The following CFAP43 variants were observed in gnomAD, a reference collection of about 807,000 sequenced individuals.
CFAP43 encodes cilia- and flagella-associated protein 43.
A neutral mutation model predicts 218.9 loss-of-function variants in CFAP43; 155 were observed. The observed-to-expected ratio is 0.71, with a 90% CI of 0.62 to 0.81. CFAP43 has a LOEUF of 0.81. CFAP43 is among the 30% of genes least tolerant of loss of function. CFAP43 has a pLI of 0.00. For missense variants in CFAP43, 1,778 were observed against 1,954.3 expected, an observed-to-expected ratio of 0.91 and a Z score of 1.70; for synonymous variants, 645 against 681.3, an observed-to-expected ratio of 0.95 and a Z score of 0.83.
chr10:104,142,874 C>G (rs780018487), intron 32 of CFAP43, among the ~76,000 whole-genome samples: 4 of 152,086 alleles, frequency 2.6e-5, no homozygotes, highest in Non-Finnish European at 4.4e-5. Flanking sequence ...TAATTCTAAT[C>G]TATGCAAAAT....
intron 23 of CFAP43, among the ~76,000 whole-genome samples, chr10:104,165,988 T>C (rs772445958): frequency 1.3e-5 from 2 of 152,228 alleles, no homozygotes; most frequent in Non-Finnish European, 2.9e-5. Flanking sequence ...CTAGTCCAAA[T>C]GGTCGAACGC....
At chr10:104,210,409 C>G (rs1438791912) in intron 5 of CFAP43, among the ~76,000 whole-genome samples, 1 of 152,242 alleles carries the variant, frequency 6.6e-6, no homozygotes, top group Admixed American at 6.5e-5. Context: ...CGCTGTCACC[C>G]AGGCTGGAGT....
chr10:104,130,835 A>AAAAC (rs1223146525), intron 37 of CFAP43, among the ~76,000 whole-genome samples: 1 of 151,598 alleles, frequency 6.6e-6, no homozygotes, highest in Non-Finnish European at 1.5e-5. Context: ...TACTCTCTAC[A>AAAAC]AAACATACAA....
chr10:104,229,244 G>C (rs1244072394), intron 2 of CFAP43, among the ~76,000 whole-genome samples: 1 of 152,198 alleles, frequency 6.6e-6, no homozygotes, highest in African/African-American at 2.4e-5. Flanking sequence ...AGACTACAGA[G>C]CTAAGTCCAG....
At chr10:104,227,580 A>C (rs1306610154) in intron 2 of CFAP43, among the ~76,000 whole-genome samples, 1 of 152,102 alleles carries the variant, frequency 6.6e-6, no homozygotes, top group East Asian at 1.9e-4. Context: ...TGTCTGGGTT[A>C]ATTTCTTTTC....
chr10:104,173,215 T>C (rs1025390607), intron 19 of CFAP43, among the ~76,000 whole-genome samples: 3 of 152,222 alleles, frequency 2.0e-5, no homozygotes, highest in African/African-American at 7.2e-5. Flanking sequence ...TAACAATTTT[T>C]CTTTTTTGCC....
intron 20 of CFAP43, among the ~76,000 whole-genome samples, chr10:104,170,138 C>T (rs1198158043): frequency 6.6e-6 from 1 of 152,046 alleles, no homozygotes; most frequent in Non-Finnish European, 1.5e-5. Context: ...ACACTGTTCT[C>T]TCCTGGGCCA....
At position 104,164,201 on chromosome 10, in the gene CFAP43, G is replaced by A; in HGVS notation, c.3139C>T (p.Arg1047Ter). ...EIARVKERNV[R>*]IREIILDLEL... ...AGATCTAAAATAATTTCTCGAATTCGAACATTTCTTTCCTTCACGCGTGCA... is the reference window on the plus strand; with the variant it reads ...AGATCTAAAATAATTTCTCGAATTCAAACATTTCTTTCCTTCACGCGTGCA... Residue 1047 changes from arginine to a stop codon, truncating the protein, a stop_gained, in exon 24 of 38, where the codon CGA becomes TGA. Coordinates refer to ENST00000357060, the MANE Select transcript of CFAP43 (RefSeq NM_025145.7). LOFTEE classifies it high-confidence loss of function. The A allele has an allele frequency of 6.2e-7, 1 of 1,614,042 alleles. No individual in the cohort carries two copies. The highest frequency in any genetic ancestry group is 1.6e-4 in the Middle Eastern group (1 of 6,062).
intron 5 of CFAP43, 25 bp from the exon 6 acceptor site, chr10:104,207,849 T>G (rs777852671): frequency 1.9e-6 from 3 of 1,587,254 alleles, no homozygotes; most frequent in Non-Finnish European, 2.6e-6. Flanking sequence ...TAAAACCTTG[T>G]GTTAAGAAAA....
chr10:104,141,432 C>T (rs912923129), intron 33 of CFAP43, among the ~76,000 whole-genome samples: 2 of 151,902 alleles, frequency 1.3e-5, no homozygotes, highest in Non-Finnish European at 2.9e-5. Context: ...GCCAACATGG[C>T]GAAACCCCAT....
At chr10:104,199,318 C>T (rs2090464379) in intron 8 of CFAP43, among the ~76,000 whole-genome samples, 1 of 152,124 alleles carries the variant, frequency 6.6e-6, no homozygotes, top group Non-Finnish European at 1.5e-5. Flanking sequence ...GTTCTTCACG[C>T]TTACTTGAGT....
chr10:104,164,469 C>T (rs539415073), intron 23 of CFAP43, among the ~76,000 whole-genome samples, 169 bp from the exon 24 acceptor site: 10 of 151,184 alleles, frequency 6.6e-5, no homozygotes, highest in Non-Finnish European at 1.5e-4. Context: ...ATGATCTCTG[C>T]TCACCGCAAG....
intron 17 of CFAP43, among the ~76,000 whole-genome samples, chr10:104,181,054 A>G (rs1319109821): frequency 2.0e-5 from 3 of 152,008 alleles, no homozygotes; most frequent in Non-Finnish European, 4.4e-5. Flanking sequence ...CATCTATCCA[A>G]TGGCTGAACT....
At chr10:104,160,798 C>G (rs950838754) in intron 27 of CFAP43, among the ~76,000 whole-genome samples, 1 of 152,084 alleles carries the variant, frequency 6.6e-6, no homozygotes, top group Non-Finnish European at 1.5e-5. Flanking sequence ...TGTAATGACA[C>G]GGGAAATGCT....
Position 104,145,550 on chromosome 10 carries a change from G to T in CFAP43, c.3870C>A (p.Ser1290Arg). The T allele has an allele frequency of 6.2e-7, 1 of 1,602,100 alleles. No homozygotes were observed. Among genetic ancestry groups the T allele is most frequent in the Non-Finnish European group, 8.5e-7 (1 of 1,171,516 alleles). ...LLAEDKVMDR[S>R]FKKEFSEIPG... is the part of the protein sequence containing the mutation. ...GAATTTCAGAAAATTCCTTTTTAAA[G>T]CTGCGATCCATAACCTAAGGACAAA... Residue 1290 changes from serine to arginine, a missense_variant, in exon 31 of 38, where the codon AGC becomes AGA. Ser to Arg is a moderately radical substitution (Grantham distance 110). This residue lies in a region of CFAP43 where 1,553 missense variants were observed against 1,685.2 expected (regional missense o/e 0.92). Coordinates refer to ENST00000357060, the MANE Select transcript of CFAP43 (RefSeq NM_025145.7).
chr10:104,172,318 T>C (rs908077861), intron 20 of CFAP43, 92 bp downstream of exon 20: 31 of 1,477,530 alleles, frequency 2.1e-5, no homozygotes, highest in African/African-American at 1.9e-4. Context: ...GGTTTTGTCA[T>C]ATTCACATTA....
chr10:104,152,022 T>C (rs953853270), intron 28 of CFAP43, among the ~76,000 whole-genome samples: 1 of 152,244 alleles, frequency 6.6e-6, no homozygotes, highest in South Asian at 2.1e-4. Context: ...GCATACTTCA[T>C]TTTTATTCCT....
At chr10:104,148,094 A>G in intron 28 of CFAP43, 96 bp from the exon 29 acceptor site, 1 of 551,554 alleles carries the variant, frequency 1.8e-6, no homozygotes, top group Non-Finnish European at 2.9e-6. Context: ...TTTATGACAT[A>G]CACATAAACT....
At chr10:104,139,484 C>T (rs1414789002) in intron 34 of CFAP43, among the ~76,000 whole-genome samples, 2 of 151,972 alleles carry the variant, frequency 1.3e-5, no homozygotes, top group East Asian at 1.9e-4. Context: ...CAAAGCCAGA[C>T]ACATTAAATT....
Sources: allele counts gnomAD v4.1 joint callset (sites outside exome capture counted in the v4.1 genomes callset), GRCh38; gene constraint gnomAD v4.1.1; regional missense constraint gnomAD v4.1.1; transcripts MANE v1.5; gene names NCBI Gene and HGNC (gene_info 2026-07-23, HGNC 2026-07-21).